The following ARHGAP24 variants were observed in gnomAD, a reference collection of about 807,000 sequenced individuals.
ARHGAP24 encodes Rho GTPase activating protein 24.
ARHGAP24 carries 50 observed loss-of-function variants against 76.4 expected under a neutral mutation model. That is an observed-to-expected ratio of 0.65 (90% CI 0.52 to 0.83). ARHGAP24 has a LOEUF of 0.83. Ranked by LOEUF, ARHGAP24 falls within the 40% of genes least tolerant of loss-of-function variation. The pLI is 0.00. For synonymous variants in ARHGAP24, 345 were observed against 323.3 expected (o/e 1.07, Z -0.72); for missense variants, 930 against 914.2 (o/e 1.02, Z -0.22).
At chr4:85,612,310 G>A (rs1241746108) in intron 2 of ARHGAP24, among the ~76,000 whole-genome samples, 1 of 145,544 alleles carries the variant, frequency 6.9e-6, no homozygotes, top group Non-Finnish European at 1.5e-5. Flanking sequence ...CCAGCTACTC[G>A]GGAGGCTGAG....
At chr4:85,942,792 C>A (rs773331692) in intron 5 of ARHGAP24, among the ~76,000 whole-genome samples, 1 of 151,878 alleles carries the variant, frequency 6.6e-6, no homozygotes, top group Non-Finnish European at 1.5e-5. Flanking sequence ...ATGGCAGCCC[C>A]AGAGAAGAAA....
chr4:85,910,794 G>A (rs1735032907), intron 3 of ARHGAP24, among the ~76,000 whole-genome samples: 1 of 152,016 alleles, frequency 6.6e-6, no homozygotes, highest in Non-Finnish European at 1.5e-5. Context: ...GCCATGGGCA[G>A]CCCAGAAAAG....
In ARHGAP24 at chr4:85,593,383, A is replaced by T. The variant is rs562489181; in HGVS notation, c.180+22662A>T. Among the ~76,000 whole-genome samples, 4 of 152,172 alleles carry T rather than the reference A, an allele frequency of 2.6e-5. No individual in the cohort carries two copies. In the East Asian group the frequency reaches 7.7e-4, roughly 29 times the overall value. On this transcript the variant is annotated intron_variant, in intron 2 of 9. Coordinates refer to ENST00000395184, the MANE Select transcript of ARHGAP24 (RefSeq NM_001025616.3). ...CCCTTGTCAGATAAGTGGTTTGCAA[A>T]TATTTTCCCCCATTCTGTGGGTTGT...
rs543617190 is a variant in ARHGAP24, at chr4:85,813,347, G to A, written c.268+91375G>A. 2.4e-3 allele frequency among the ~76,000 whole-genome samples: 368 copies of A among 152,206 alleles called. 3 individuals are homozygous for A. The highest frequency in any genetic ancestry group is 0.02 in the Middle Eastern group (6 of 294). ...GAGCTATAATAATGGGGGGTGGAGG[G>A]AAAAGGCCTAACTACCTGAGTAGGA... On this transcript the variant is annotated intron_variant, in intron 3 of 9. Coordinates refer to ENST00000395184, the MANE Select transcript of ARHGAP24 (RefSeq NM_001025616.3).
At chr4:85,565,048 C>A (rs145608185) in intron 1 of ARHGAP24, among the ~76,000 whole-genome samples, 2 of 149,264 alleles carry the variant, frequency 1.3e-5, no homozygotes, top group Non-Finnish European at 3.0e-5. Context: ...TAAACACATG[C>A]GCATGCTGTC....
At chr4:85,544,585 T>A (rs1412313661) in intron 1 of ARHGAP24, among the ~76,000 whole-genome samples, 1 of 152,182 alleles carries the variant, frequency 6.6e-6, no homozygotes, top group African/African-American at 2.4e-5. Context: ...GCCTCTTGGA[T>A]CCTATATATA....
At chr4:85,713,528 A>G (rs1724610154) in intron 2 of ARHGAP24, among the ~76,000 whole-genome samples, 1 of 152,194 alleles carries the variant, frequency 6.6e-6, no homozygotes, top group African/African-American at 2.4e-5. Context: ...TTTGATGGAT[A>G]AATGAATAAG....
At chr4:85,624,834 C>T (rs527494743) in intron 2 of ARHGAP24, among the ~76,000 whole-genome samples, 1 of 152,296 alleles carries the variant, frequency 6.6e-6, no homozygotes, top group Admixed American at 6.5e-5. Flanking sequence ...TTATCCATTT[C>T]TTCTAGATTT....
intron 3 of ARHGAP24, among the ~76,000 whole-genome samples, chr4:85,735,135 G>A (rs1417094913): frequency 1.3e-5 from 2 of 152,020 alleles, no homozygotes; most frequent in Admixed American, 6.6e-5. Flanking sequence ...TTTGGCTCCT[G>A]TGTGTATTCT....
intron 2 of ARHGAP24, among the ~76,000 whole-genome samples, chr4:85,589,044 T>C (rs113591721): frequency 2.4e-4 from 37 of 152,324 alleles, no homozygotes; most frequent in East Asian, 1.7e-3. Flanking sequence ...ATAAATTGCA[T>C]TGGGCCTCAG....
intron 2 of ARHGAP24, among the ~76,000 whole-genome samples, chr4:85,691,966 T>A (rs1008698319): frequency 6.6e-6 from 1 of 152,204 alleles, no homozygotes; most frequent in Non-Finnish European, 1.5e-5. Context: ...TAGCAGGTGT[T>A]GTTCTATTGG....
At chr4:85,670,219 T>C (rs961724248) in intron 2 of ARHGAP24, among the ~76,000 whole-genome samples, 1 of 151,990 alleles carries the variant, frequency 6.6e-6, no homozygotes, top group East Asian at 1.9e-4. Flanking sequence ...GAAAAGGAGA[T>C]TAGGATGTGA....
intron 2 of ARHGAP24, among the ~76,000 whole-genome samples, chr4:85,639,206 ATAACT>A (rs1329748022): frequency 6.6e-6 from 1 of 152,174 alleles, no homozygotes; most frequent in Non-Finnish European, 1.5e-5. Flanking sequence ...ACTCTTAGAT[ATAACT>A]TATTTCTCAC....
intron 2 of ARHGAP24, among the ~76,000 whole-genome samples, chr4:85,584,996 T>C (rs546303540): frequency 4.1e-4 from 62 of 152,296 alleles, no homozygotes; most frequent in African/African-American, 1.4e-3. Context: ...AGAGTGTGTA[T>C]GCAAGATGAA....
chr4:85,631,368 G>A (rs576397087), intron 2 of ARHGAP24, among the ~76,000 whole-genome samples: 4 of 151,942 alleles, frequency 2.6e-5, no homozygotes, highest in Non-Finnish European at 4.4e-5. Flanking sequence ...CACGCTCAAT[G>A]TAGTTGATAA....
At chr4:85,609,867 G>C in intron 2 of ARHGAP24, among the ~76,000 whole-genome samples, 1 of 152,060 alleles carries the variant, frequency 6.6e-6, no homozygotes, top group South Asian at 2.1e-4. Context: ...TAGTTACTTT[G>C]AAATATATGA....
chr4:85,936,214 A>G (rs1281421337), intron 4 of ARHGAP24, among the ~76,000 whole-genome samples: 1 of 152,180 alleles, frequency 6.6e-6, no homozygotes, highest in African/African-American at 2.4e-5. Context: ...TGCAGACAAG[A>G]AGGGATAAGG....
intron 8 of ARHGAP24, among the ~76,000 whole-genome samples, chr4:85,979,407 C>A (rs556902692): frequency 5.9e-5 from 9 of 152,226 alleles, no homozygotes; most frequent in African/African-American, 1.9e-4. Flanking sequence ...CATAGTCTTG[C>A]AGCCATCACC....
intron 5 of ARHGAP24, among the ~76,000 whole-genome samples, chr4:85,966,922 A>G (rs750071172): frequency 2.0e-5 from 3 of 152,188 alleles, no homozygotes; most frequent in Non-Finnish European, 2.9e-5. Context: ...TCTACATAGT[A>G]TTCAGAGTGA....
Sources: allele counts gnomAD v4.1 joint callset (sites outside exome capture counted in the v4.1 genomes callset), GRCh38; gene constraint gnomAD v4.1.1; transcripts MANE v1.5; gene names NCBI Gene and HGNC (gene_info 2026-07-23, HGNC 2026-07-21).